Variants in SLC9A9 observed in about 807,000 individuals in gnomAD.
SLC9A9 encodes the protein sodium/hydrogen exchanger 9.
Under a neutral mutation model 77.8 loss-of-function variants are expected in SLC9A9, and 62 were observed. The observed-to-expected ratio is 0.80, with a 90% CI of 0.65 to 0.98. SLC9A9 has a LOEUF of 0.98. SLC9A9 is among the 50% of genes least tolerant of loss of function. SLC9A9 has a pLI of 0.00. For synonymous variants in SLC9A9, 320 were observed against 283.5 expected (o/e 1.13, Z -1.29); for missense variants, 775 against 774.9 (o/e 1.00, Z 0.00).
rs150861374 is a variant in SLC9A9, at chr3:143,686,498, G to T, written c.649+6694C>A. Among the ~76,000 whole-genome samples, 11 of 152,178 alleles carry T rather than the reference G, an allele frequency of 7.2e-5. No individual in the cohort carries two copies. The East Asian group carries it at 2.1e-3, about 30-fold the overall frequency. ...GTGAGCAAGAAAGGCTCTCACTGAG[G>T]TGACAGTTGAGCATAGACCTGAAGA... On this transcript the variant is annotated intron_variant, in intron 5 of 15. Transcript: ENST00000316549.
intron 12 of SLC9A9, among the ~76,000 whole-genome samples, chr3:143,426,465 C>A (rs898118141): frequency 3.9e-5 from 6 of 152,152 alleles, no homozygotes; most frequent in East Asian, 3.9e-4. Context: ...TCTTAAAATA[C>A]CCAGCTCAGA....
intron 14 of SLC9A9, among the ~76,000 whole-genome samples, chr3:143,332,486 G>T (rs561921993): frequency 2.6e-4 from 40 of 152,336 alleles, no homozygotes; most frequent in African/African-American, 8.7e-4. Flanking sequence ...TTAGAGTGGG[G>T]AGAATCTTGA....
At chr3:143,570,716 A>C (rs1294374009) in intron 8 of SLC9A9, among the ~76,000 whole-genome samples, 1 of 152,160 alleles carries the variant, frequency 6.6e-6, no homozygotes, top group African/African-American at 2.4e-5. Flanking sequence ...TGAAAAAAGC[A>C]AGTTACTTAA....
At chr3:143,606,836 T>G (rs1325235837) in intron 6 of SLC9A9, among the ~76,000 whole-genome samples, 1 of 152,056 alleles carries the variant, frequency 6.6e-6, no homozygotes, top group Non-Finnish European at 1.5e-5. Flanking sequence ...TAAAAAATAG[T>G]CCAACATATA....
At chr3:143,424,405 G>A (rs1245855064) in intron 12 of SLC9A9, among the ~76,000 whole-genome samples, 3 of 151,934 alleles carry the variant, frequency 2.0e-5, no homozygotes, top group African/African-American at 7.3e-5. Context: ...TAGCTGGGGA[G>A]TAGCTGGGAC....
At chr3:143,669,103 A>T (rs9877738) in intron 5 of SLC9A9, among the ~76,000 whole-genome samples, 147,573 of 152,288 alleles carry the variant, frequency 0.97, 71,536 homozygotes, top group East Asian at 1. Context: ...TACATAATCC[A>T]GAGAGTGAGT....
chr3:143,609,527 T>A (rs2037983895), intron 6 of SLC9A9, among the ~76,000 whole-genome samples: 1 of 152,158 alleles, frequency 6.6e-6, no homozygotes, highest in Non-Finnish European at 1.5e-5. Flanking sequence ...TCAAGGGGAA[T>A]TTCTTTTTTT....
intron 2 of SLC9A9, among the ~76,000 whole-genome samples, chr3:143,806,108 C>G (rs1004788653): frequency 6.6e-6 from 1 of 151,188 alleles, no homozygotes; most frequent in Admixed American, 6.6e-5. Context: ...CGTCCCCCAC[C>G]CACACACACA....
intron 14 of SLC9A9, among the ~76,000 whole-genome samples, chr3:143,310,347 T>G (rs1352117274): frequency 2.6e-5 from 4 of 152,178 alleles, no homozygotes; most frequent in African/African-American, 7.2e-5. Flanking sequence ...CAGTTTCCAG[T>G]GCACACTTTC....
chr3:143,414,901 A>C (rs1156491481), intron 12 of SLC9A9, among the ~76,000 whole-genome samples: 2 of 152,246 alleles, frequency 1.3e-5, no homozygotes, highest in Non-Finnish European at 2.9e-5. Flanking sequence ...TACACCAAAC[A>C]GCCAAATTGT....
chr3:143,424,730 A>G (rs924214218), intron 12 of SLC9A9, among the ~76,000 whole-genome samples: 7 of 152,226 alleles, frequency 4.6e-5, no homozygotes, highest in African/African-American at 1.7e-4. Flanking sequence ...AAAAATCTCA[A>G]AACAAAAGCA....
At chr3:143,703,493 G>A (rs9835894) in intron 4 of SLC9A9, among the ~76,000 whole-genome samples, 80,774 of 151,510 alleles carry the variant, frequency 0.53, 21,894 homozygotes, top group Non-Finnish European at 0.57. Flanking sequence ...AATTAAGAAG[G>A]AAATTGAAAA....
At chr3:143,374,422 C>CA (rs34787603) in intron 13 of SLC9A9, among the ~76,000 whole-genome samples, 817 of 67,270 alleles carry the variant, frequency 0.012, 18 homozygotes, top group East Asian at 0.027. Context: ...GACTCTGTCT[C>CA]AAAAAAAAAA....
intron 4 of SLC9A9, among the ~76,000 whole-genome samples, chr3:143,748,993 G>A (rs972841837): frequency 7.9e-5 from 12 of 152,046 alleles, no homozygotes; most frequent in African/African-American, 2.4e-4. Context: ...GTGAGCCACC[G>A]CGCCCGGCCT....
At chr3:143,275,859 C>T (rs918554014) in intron 14 of SLC9A9, among the ~76,000 whole-genome samples, 21 of 152,114 alleles carry the variant, frequency 1.4e-4, no homozygotes, top group Non-Finnish European at 2.8e-4. Context: ...GACCTCTATT[C>T]GTTTCTATTA....
At chr3:143,673,356 A>G (rs1481530487) in intron 5 of SLC9A9, among the ~76,000 whole-genome samples, 1 of 152,156 alleles carries the variant, frequency 6.6e-6, no homozygotes, top group Non-Finnish European at 1.5e-5. Context: ...ACTCAGTGAG[A>G]GGATGGCTAT....
In SLC9A9 at chr3:143,802,165, C is replaced by T. The variant is rs201895825; in HGVS notation, c.379-5262G>A. 5.9e-5 allele frequency among the ~76,000 whole-genome samples: 9 copies of T among 152,324 alleles called. No individual in the cohort carries two copies. In the East Asian group the frequency reaches 1.7e-3, roughly 29 times the overall value. On this transcript the variant is annotated intron_variant, in intron 2 of 15. Coordinates refer to ENST00000316549, the MANE Select transcript of SLC9A9 (RefSeq NM_173653.4). Reference sequence around the variant, plus strand: ...ACTCCCACCTGTCAATCTCTTTCCACATAAGGCAAATGGTTCTTAGACCAA... The same window carrying T: ...ACTCCCACCTGTCAATCTCTTTCCATATAAGGCAAATGGTTCTTAGACCAA...
intron 14 of SLC9A9, among the ~76,000 whole-genome samples, chr3:143,350,131 G>C (rs1181637302): frequency 1.3e-5 from 2 of 152,076 alleles, no homozygotes; most frequent in Non-Finnish European, 2.9e-5. Context: ...AGTCATGAGG[G>C]CTGGAACCCC....
At chr3:143,580,122 C>A (rs1158918426) in intron 6 of SLC9A9, among the ~76,000 whole-genome samples, 2 of 152,292 alleles carry the variant, frequency 1.3e-5, no homozygotes, top group Non-Finnish European at 2.9e-5. Context: ...AGTAAACCCA[C>A]ATCTGGGTCC....
Sources: allele counts gnomAD v4.1 joint callset (sites outside exome capture counted in the v4.1 genomes callset), GRCh38; gene constraint gnomAD v4.1.1; transcripts MANE v1.5; gene names NCBI Gene and HGNC (gene_info 2026-07-23, HGNC 2026-07-21).